HEATR5A: variants seen among roughly 807,000 people sequenced by gnomAD.
HEATR5A encodes HEAT repeat containing 5A.
In HEATR5A, 178 loss-of-function variants were observed where a neutral mutation model predicts 218.8. The ratio of observed to expected loss-of-function variants is 0.81; its 90% CI spans 0.72 to 0.92. The LOEUF is 0.92. Ranked by LOEUF, HEATR5A falls within the 40% of genes least tolerant of loss-of-function variation. The pLI, the probability that HEATR5A is intolerant of heterozygous loss-of-function variation, is 0.00. For missense variants in HEATR5A, 2,420 were observed against 2,418.9 expected, an observed-to-expected ratio of 1.00 and a Z score of -0.01; for synonymous variants, 864 against 871.6, an observed-to-expected ratio of 0.99 and a Z score of 0.15.
Position 31,364,251 on chromosome 14 carries a change from G to A in HEATR5A, c.2009C>T (p.Ser670Leu). ...KMYGSPLKTP[S>L]VVYRQRLYEL... ...ATAAAGTCTTTGTCTATAAACCACT[G>A]ACGGTGTTTTCAAAGGACTTCCATA... The change falls in exon 14 of 36, where the codon TCA becomes TTA. Residue 670 changes from serine (S) to leucine (L), a missense_variant. Physicochemically the swap from Ser to Leu is moderately radical, Grantham distance 145. Coordinates refer to ENST00000543095, the MANE Select transcript of HEATR5A (RefSeq NM_015473.4). 6.4e-7 allele frequency: 1 copy of A among 1,554,398 alleles called. No homozygotes were observed. The highest frequency in any genetic ancestry group is 8.7e-7 in the Non-Finnish European group (1 of 1,146,178).
intron 1 of HEATR5A, among the ~76,000 whole-genome samples, chr14:31,409,480 A>T (rs2031200957): frequency 6.6e-6 from 1 of 152,152 alleles, no homozygotes; most frequent in South Asian, 2.1e-4. Flanking sequence ...CTGGCAGATC[A>T]CTTGAGCCGA....
At chr14:31,318,577 G>A (rs950027696) in intron 25 of HEATR5A, among the ~76,000 whole-genome samples, 17 of 151,868 alleles carry the variant, frequency 1.1e-4, no homozygotes, top group Admixed American at 5.2e-4. Flanking sequence ...TACAGCCTCC[G>A]CCTCCCAGGT....
chr14:31,308,815 G>A, intron 29 of HEATR5A, 119 bp downstream of exon 29: 2 of 723,524 alleles, frequency 2.8e-6, no homozygotes, highest in Non-Finnish European at 2.2e-6. Context: ...ATAATTGTGA[G>A]CTTGAGTTGA....
chr14:31,347,915 T>TATAAAA lies in HEATR5A; in HGVS notation c.2709-14_2709-9dup. 1 of 1,462,290 alleles carries TATAAAA rather than the reference T, an allele frequency of 6.8e-7. No homozygotes were observed. The highest frequency in any genetic ancestry group is 9.1e-7 in the Non-Finnish European group (1 of 1,102,278). 90.6% of individuals were successfully genotyped at this position (1,462,290 alleles called of 1,614,324 possible). ...TCCCTTGCTGATTTCAATCTGTAAA[T>TATAAAA]ATAAAAATAAAAATAAACGGTAATC... is the stretch of plus-strand genomic sequence containing the variant. On this transcript the variant is annotated splice_polypyrimidine_tract_variant and intron_variant, in intron 18 of 35. Coordinates refer to ENST00000543095, the MANE Select transcript of HEATR5A (RefSeq NM_015473.4).
intron 1 of HEATR5A, among the ~76,000 whole-genome samples, chr14:31,416,071 C>T (rs1440468350): frequency 6.6e-6 from 1 of 152,074 alleles, no homozygotes; most frequent in East Asian, 1.9e-4. Context: ...CCACCTCAGC[C>T]TCCTGAATAG....
chr14:31,415,937 A>G (rs538902726), intron 1 of HEATR5A, among the ~76,000 whole-genome samples: 6 of 151,268 alleles, frequency 4.0e-5, no homozygotes, highest in Non-Finnish European at 5.9e-5. Flanking sequence ...GCACCATACT[A>G]TGGGTTTTTT....
rs1437603791 is a variant in HEATR5A at position 31,293,916 on chromosome 14, C to T, written c.5808G>A (p.Leu1936=). 1 of 1,604,488 alleles carries T rather than the reference C, an allele frequency of 6.2e-7. No individual in the cohort carries two copies. The change falls in exon 35 of 36, where the codon CTG becomes CTA. Residue 1936 remains leucine (L), a synonymous_variant. Transcript: ENST00000543095. ...FQEGIKVLET[L]VTVAEEHHRA... ...GATGGTGTTCTTCAGCAACAGTAACCAGTGTTTCTAAGACCTTTATGCCTT... is the reference window on the plus strand; with the variant it reads ...GATGGTGTTCTTCAGCAACAGTAACTAGTGTTTCTAAGACCTTTATGCCTT...
At chr14:31,355,096 T>C (rs1253398883) in intron 16 of HEATR5A, among the ~76,000 whole-genome samples, 2 of 152,180 alleles carry the variant, frequency 1.3e-5, no homozygotes, top group Non-Finnish European at 2.9e-5. Flanking sequence ...TCTTTGCAAT[T>C]AGATGAAAAT....
intron 13 of HEATR5A, among the ~76,000 whole-genome samples, chr14:31,365,508 G>A (rs183207775): frequency 3.2e-4 from 49 of 152,006 alleles, no homozygotes; most frequent in African/African-American, 1.1e-3. Flanking sequence ...CTACAGGCAC[G>A]TGCCACCACG....
chr14:31,349,083 T>C (rs1166818655), intron 18 of HEATR5A, among the ~76,000 whole-genome samples: 2 of 152,110 alleles, frequency 1.3e-5, no homozygotes, highest in Admixed American at 1.3e-4. Context: ...CTAAAAGTTA[T>C]ACAACTGATA....
chr14:31,392,464 T>C (rs1420655946), intron 6 of HEATR5A, among the ~76,000 whole-genome samples: 1 of 152,210 alleles, frequency 6.6e-6, no homozygotes, highest in Non-Finnish European at 1.5e-5. Flanking sequence ...TGGTCTGCTC[T>C]TCTCTATGTA....
Position 31,293,412 on chromosome 14 carries a change from C to G in HEATR5A, c.6034G>C (p.Ala2012Pro). The change falls in exon 36 of 36, where the codon GCT (alanine) becomes CCT (proline). Residue 2012 changes from alanine to proline, a missense_variant. Ala to Pro is a conservative substitution (Grantham distance 27). Coordinates refer to ENST00000543095, the MANE Select transcript of HEATR5A (RefSeq NM_015473.4). Reference protein sequence around the residue: ...SPALKARLEAAIKGNQESVKV... With the variant: ...SPALKARLEAPIKGNQESVKV... Reference sequence around the variant, plus strand: ...ACACTTTCCTGATTGCCCTTTATAGCAGCCTCAAGGCGGGCTTTTAGGGCT... The same window carrying G: ...ACACTTTCCTGATTGCCCTTTATAGGAGCCTCAAGGCGGGCTTTTAGGGCT... The G allele has an allele frequency of 6.2e-7, 1 of 1,613,860 alleles. No individual in the cohort carries two copies. Among genetic ancestry groups the G allele is most frequent in the Non-Finnish European group, 8.5e-7 (1 of 1,179,788 alleles).
At position 31,305,140 on chromosome 14, in the gene HEATR5A, C is replaced by T; in HGVS notation, c.5004G>A (p.Glu1668=). Residue 1668 remains glutamate (E), a synonymous_variant, in exon 32 of 36, where the codon GAG becomes GAA. Coordinates refer to ENST00000543095, the MANE Select transcript of HEATR5A (RefSeq NM_015473.4). ...DGAAEKETLP[E]FGEGKDTGGL... The stretch of plus-strand genomic sequence containing the variant: ...CTCCGGTGTCCTTTCCCTCTCCAAA[C>T]TCTGGCAGAGTTTCCTTTTCAGCAG... 1 of 1,613,968 alleles carries T rather than the reference C, an allele frequency of 6.2e-7. No individual in the cohort carries two copies.
chr14:31,420,316 C>A (rs143091871), intron 1 of HEATR5A, 156 bp downstream of exon 1: 1 of 152,300 alleles, frequency 6.6e-6, no homozygotes, highest in Non-Finnish European at 1.5e-5. Flanking sequence ...CGGCTTCTTT[C>A]GCGATCACAT....
At chr14:31,411,169 G>A (rs2031258691) in intron 1 of HEATR5A, among the ~76,000 whole-genome samples, 1 of 151,990 alleles carries the variant, frequency 6.6e-6, no homozygotes. Context: ...ATTTATCAGA[G>A]GTTACAAAAA....
chr14:31,351,929 A>T (rs1050996541), intron 16 of HEATR5A, among the ~76,000 whole-genome samples: 3 of 152,020 alleles, frequency 2.0e-5, no homozygotes, highest in Non-Finnish European at 4.4e-5. Flanking sequence ...TTCTTCTTTT[A>T]TAATGTTTGT....
chr14:31,307,239 A>G (rs1364802978), intron 30 of HEATR5A, among the ~76,000 whole-genome samples: 2 of 152,258 alleles, frequency 1.3e-5, no homozygotes, highest in African/African-American at 4.8e-5. Flanking sequence ...AGGAAATTAT[A>G]CTACTCACTT....
At chr14:31,412,728 C>T (rs2031318487) in intron 1 of HEATR5A, among the ~76,000 whole-genome samples, 1 of 152,030 alleles carries the variant, frequency 6.6e-6, no homozygotes, top group South Asian at 2.1e-4. Context: ...ATAAAATTAG[C>T]TGGGCGTGGT....
intron 13 of HEATR5A, among the ~76,000 whole-genome samples, chr14:31,366,675 G>T (rs1160457454): frequency 6.6e-6 from 1 of 152,114 alleles, no homozygotes; most frequent in Admixed American, 6.5e-5. Context: ...AAGATAATTT[G>T]CATTGTTAGA....
Sources: allele counts gnomAD v4.1 joint callset (sites outside exome capture counted in the v4.1 genomes callset), GRCh38; gene constraint gnomAD v4.1.1; transcripts MANE v1.5; gene names NCBI Gene and HGNC (gene_info 2026-07-23, HGNC 2026-07-21).